Variants in USP45 observed in about 807,000 individuals in gnomAD.
The protein encoded by USP45 is ubiquitin specific peptidase 45, also known as ubiquitin carboxyl-terminal hydrolase 45.
Under a neutral mutation model 95.8 loss-of-function variants are expected in USP45, and 89 were observed. The observed-to-expected ratio is 0.93, with a 90% CI of 0.78 to 1.11. USP45 has a LOEUF of 1.11. USP45 is among the 50% of genes least tolerant of loss of function. The probability of loss-of-function intolerance (pLI) is 0.00; values close to 1 mark genes in which losing one functional copy is unlikely to be tolerated. For missense variants in USP45, 898 were observed against 942.5 expected (o/e 0.95, Z 0.62); for synonymous variants, 281 against 316.2 (o/e 0.89, Z 1.18).
At chr6:99,485,477 A>G (rs1793656525) in intron 7 of USP45, among the ~76,000 whole-genome samples, 1 of 152,244 alleles carries the variant, frequency 6.6e-6, no homozygotes, top group South Asian at 2.1e-4. Context: ...TGTATATAGT[A>G]AGATTCCATT....
chr6:99,446,372 C>G lies in USP45; in HGVS notation c.1400G>C (p.Gly467Ala). Residue 467 changes from glycine (G) to alanine (A), a missense_variant, in exon 14 of 18, where the codon GGG (glycine) becomes GCG (alanine). By Grantham distance (60) the Gly-to-Ala change is moderately conservative. Transcript: ENST00000500704. ...GAGGCTGGCAAACATTAAAGAATCC[C>G]CATTCATTTCAAGGTTTTCATTTTT... ...YQKNENLEMN[G>A]DSLMFASLMN... 2 of 1,614,102 alleles carry G rather than the reference C, an allele frequency of 1.2e-6. No homozygotes were observed. The highest frequency in any genetic ancestry group is 1.7e-5 in the Admixed American group (1 of 60,004).
chr6:99,508,185 T>C (rs909579032), intron 3 of USP45, among the ~76,000 whole-genome samples: 1 of 84,470 alleles, frequency 1.2e-5, no homozygotes, highest in Non-Finnish European at 2.1e-5. Flanking sequence ...AAAAAGTATA[T>C]ACTTTTAATT....
rs1780631529 is a variant in USP45 at position 99,437,098 on chromosome 6, A to ATCAATCAG, written c.2314+147_2314+148insCTGATTGA. On this transcript the variant is annotated intron_variant, in intron 17 of 17. Coordinates refer to ENST00000500704, the MANE Select transcript of USP45 (RefSeq NM_001346022.3). ...CTTGGATGACTGAGACTCTGTCTCA[A>ATCAATCAG]TCAATCAATCAATCAATCAATTAAG... 5 of 837,046 alleles carry ATCAATCAG rather than the reference A, an allele frequency of 6.0e-6. No homozygotes were observed. The East Asian group carries it at 1.4e-4, about 24-fold the overall frequency. 51.9% of individuals were successfully genotyped at this position (837,046 alleles called of 1,614,324 possible). A position where few individuals can be genotyped will look rare whatever the true frequency, so the allele number is the denominator to read the frequency against.
intron 9 of USP45, among the ~76,000 whole-genome samples, chr6:99,470,318 GTTCTGCTGTGTATGATTTATGT>G (rs981603741): frequency 2.0e-5 from 3 of 152,150 alleles, no homozygotes; most frequent in Non-Finnish European, 4.4e-5. Flanking sequence ...CCCCAGAATT[GTTCTGCTGTGTATGATTTATGT>G]TTCTTCTGTG....
chr6:99,466,911 TA>T (rs1583166962), intron 10 of USP45, 148 bp from the exon 11 acceptor site: 1 of 601,154 alleles, frequency 1.7e-6, no homozygotes, highest in East Asian at 2.9e-5. Context: ...TACAACATTC[TA>T]AAGTCTTTCT....
At chr6:99,464,821 TTGAC>T (rs1396490798) in intron 12 of USP45, 74 bp from the exon 13 acceptor site, 3 of 1,444,392 alleles carry the variant, frequency 2.1e-6, no homozygotes, top group Non-Finnish European at 2.8e-6. Context: ...CTTAAAATTT[TTGAC>T]TGACTTGAAA....
chr6:99,514,445 G>A (rs1233049127), intron 1 of USP45, among the ~76,000 whole-genome samples: 2 of 152,192 alleles, frequency 1.3e-5, no homozygotes, highest in Admixed American at 6.5e-5. Context: ...AACATTGCAA[G>A]CAGTCCTTTC....
chr6:99,491,434 C>A (rs1436096723), intron 5 of USP45, among the ~76,000 whole-genome samples: 1 of 152,154 alleles, frequency 6.6e-6, no homozygotes, highest in African/African-American at 2.4e-5. Context: ...TTCAGACTCT[C>A]ATTATTGCTG....
Position 99,488,184 on chromosome 6 carries a change from A to G in USP45, c.714+16T>C. 6.4e-7 allele frequency: 1 copy of G among 1,562,890 alleles called. No homozygotes were observed. The highest frequency in any genetic ancestry group is 8.8e-7 in the Non-Finnish European group (1 of 1,137,012). The stretch of plus-strand genomic sequence containing the variant: ...CTCATCTGAAAGCAGCTATTATTCA[A>G]ACAGTTATTACTCACCAGCTGAGAG... On this transcript the variant is annotated intron_variant, in intron 7 of 17. Transcript: ENST00000500704.
At position 99,446,310 on chromosome 6, in the gene USP45, C is replaced by A. The variant is rs778908808; in HGVS notation, c.1462G>T (p.Asp488Tyr). Residue 488 changes from aspartate to tyrosine, a missense_variant, in exon 14 of 18, where the codon GAT (aspartate) becomes TAT (tyrosine). Asp to Tyr is a radical substitution (Grantham distance 160). Coordinates refer to ENST00000500704, the MANE Select transcript of USP45 (RefSeq NM_001346022.3). Reference protein sequence around the residue: ...SESRLNESPTDDSEKEASHSE... With the variant: ...SESRLNESPTYDSEKEASHSE... Reference sequence around the variant, plus strand: ...TGGCTGGCTTCTTTTTCACTGTCATCAGTAGGGCTTTCATTCAGACGTGAC... The same window carrying A: ...TGGCTGGCTTCTTTTTCACTGTCATAAGTAGGGCTTTCATTCAGACGTGAC... The A allele has an allele frequency of 6.2e-7, 1 of 1,614,198 alleles. No homozygotes were observed. The highest frequency in any genetic ancestry group is 1.7e-5 in the Admixed American group (1 of 60,020).
chr6:99,511,198 ATT>A (rs1799700864), intron 1 of USP45, among the ~76,000 whole-genome samples: 1 of 151,522 alleles, frequency 6.6e-6, no homozygotes, highest in African/African-American at 2.4e-5. Context: ...TATTATTATT[ATT>A]ATTATTTTGA....
chr6:99,501,978 G>A (rs1478553213), intron 5 of USP45: 2 of 1,303,332 alleles, frequency 1.5e-6, no homozygotes, highest in South Asian at 1.2e-5. Context: ...GACAGTTTAT[G>A]CTGAAGAGAT....
intron 1 of USP45, among the ~76,000 whole-genome samples, chr6:99,514,685 T>C (rs1356011947): frequency 6.6e-6 from 1 of 152,190 alleles, no homozygotes; most frequent in Non-Finnish European, 1.5e-5. Context: ...AAAATCCTTT[T>C]TTCCTACTCT....
At chr6:99,459,198 C>T (rs1441634664) in intron 13 of USP45, among the ~76,000 whole-genome samples, 1 of 152,124 alleles carries the variant, frequency 6.6e-6, no homozygotes, top group Non-Finnish European at 1.5e-5. Flanking sequence ...CAAGTGTACT[C>T]AATGTTTAGC....
intron 13 of USP45, among the ~76,000 whole-genome samples, chr6:99,449,317 G>A (rs1417211429): frequency 1.3e-5 from 2 of 152,122 alleles, no homozygotes; most frequent in Non-Finnish European, 2.9e-5. Flanking sequence ...ATAAAAGGAT[G>A]GAGGAAGATC....
chr6:99,436,381 G>A (rs1410467484), intron 17 of USP45, among the ~76,000 whole-genome samples: 10 of 151,642 alleles, frequency 6.6e-5, no homozygotes, highest in East Asian at 2.0e-4. Flanking sequence ...GTGAAACCCC[G>A]TCTCTAATTT....
intron 13 of USP45, among the ~76,000 whole-genome samples, chr6:99,447,708 A>G (rs1210914398): frequency 6.6e-6 from 1 of 152,182 alleles, no homozygotes; most frequent in Non-Finnish European, 1.5e-5. Flanking sequence ...TGGTTCTCGC[A>G]GCACAGAGTT....
At chr6:99,511,449 G>A (rs973049800) in intron 1 of USP45, among the ~76,000 whole-genome samples, 5 of 151,350 alleles carry the variant, frequency 3.3e-5, no homozygotes, top group East Asian at 2.0e-4. Flanking sequence ...CACCGTGCCC[G>A]GCTATTATTA....
intron 16 of USP45, among the ~76,000 whole-genome samples, chr6:99,438,291 C>T (rs1263939358): frequency 1.3e-5 from 2 of 151,910 alleles, no homozygotes; most frequent in Non-Finnish European, 2.9e-5. Context: ...ACAGTGTCAG[C>T]TACCATTATT....
Sources: allele counts gnomAD v4.1 joint callset (sites outside exome capture counted in the v4.1 genomes callset), GRCh38; gene constraint gnomAD v4.1.1; transcripts MANE v1.5; gene names NCBI Gene and HGNC (gene_info 2026-07-23, HGNC 2026-07-21).